Variants in CCDC57 observed in about 807,000 individuals in gnomAD.
CCDC57 encodes coiled-coil domain-containing protein 57.
Under a neutral mutation model 118.9 loss-of-function variants are expected in CCDC57, and 118 were observed. The ratio of observed to expected loss-of-function variants is 0.99; its 90% CI spans 0.86 to 1.16. The LOEUF is 1.16. CCDC57 is among the 50% of genes most tolerant of loss of function. CCDC57 has a pLI of 0.00. For missense variants in CCDC57, 1,300 were observed against 1,320.7 expected (o/e 0.98, Z 0.24); for synonymous variants, 527 against 532.9 (o/e 0.99, Z 0.15).
exon 20 of CCDC57, chr17:82,101,594 C>T (rs1021757101): frequency 1.8e-5 from 21 of 1,174,148 alleles, no homozygotes; most frequent in Middle Eastern, 2.2e-4. Context: ...ACGCTGTGCC[C>T]ACACCCCCCC....
chr17:82,155,056 C>T (rs1444512286), intron 15 of CCDC57: 1 of 152,278 alleles, frequency 6.6e-6, no homozygotes, highest in African/African-American at 2.4e-5. Flanking sequence ...ACCCCGAGCG[C>T]GAGTCTGTGC....
At chr17:82,158,425 C>T (rs1289062922) in intron 14 of CCDC57, among the ~76,000 whole-genome samples, 1 of 152,132 alleles carries the variant, frequency 6.6e-6, no homozygotes, top group Non-Finnish European at 1.5e-5. Flanking sequence ...CGGTGGCTCA[C>T]GCCTATAATC....
At chr17:82,150,131 C>G (rs190490968) in intron 16 of CCDC57, among the ~76,000 whole-genome samples, 10,271 of 140,584 alleles carry the variant, frequency 0.073, 186 homozygotes, top group Non-Finnish European at 0.12. Flanking sequence ...ACACCCAGAA[C>G]CAGGCGCACA....
At chr17:82,182,214 T>C (rs780024002) in intron 9 of CCDC57, among the ~76,000 whole-genome samples, 14 of 151,558 alleles carry the variant, frequency 9.2e-5, no homozygotes, top group Admixed American at 5.3e-4. Flanking sequence ...ACACAAGTAA[T>C]AGGTAAATCT....
At chr17:82,202,079 C>A (rs2049062637) in intron 2 of CCDC57, 127 bp from the exon 2 acceptor site, 1 of 984,652 alleles carries the variant, frequency 1.0e-6, no homozygotes, top group African/African-American at 1.6e-5. Context: ...ACCTGTAATC[C>A]CAGCCCTTTG....
intron 2 of CCDC57, among the ~76,000 whole-genome samples, chr17:82,207,347 A>T (rs914574810): frequency 2.0e-5 from 3 of 152,082 alleles, no homozygotes; most frequent in Non-Finnish European, 2.9e-5. Flanking sequence ...ATAAAAAAAA[A>T]AAAACAAAAA....
Position 82,172,843 on chromosome 17 carries a change from A to T in CCDC57, c.1524T>A (p.His508Gln). Residue 508 changes from histidine (H) to glutamine (Q), a missense_variant, in exon 12 of 20, where the codon CAT (histidine) becomes CAA (glutamine). His to Gln is a conservative substitution (Grantham distance 24). Transcript: ENST00000665763. The surrounding 1 kb of genome is among the most constrained non-coding windows in gnomAD (Gnocchi z 5.2). ...GAAAGTCTTTACTTATTTCTTCTTC[A>T]TGCTGCCTGAGAAGCATCTGTCAAA... 6.2e-7 allele frequency: 1 copy of T among 1,611,970 alleles called. No homozygotes were observed. Among genetic ancestry groups the T allele is most frequent in the Non-Finnish European group, 8.5e-7 (1 of 1,179,142 alleles).
At chr17:82,153,026 G>A (rs1377546135) in intron 15 of CCDC57, among the ~76,000 whole-genome samples, 1 of 152,240 alleles carries the variant, frequency 6.6e-6, no homozygotes, top group African/African-American at 2.4e-5. Context: ...CTCGCCACAG[G>A]CCTGAGCCCG....
intron 2 of CCDC57, among the ~76,000 whole-genome samples, chr17:82,206,855 T>A (rs1387990700): frequency 1.3e-5 from 2 of 152,206 alleles, no homozygotes; most frequent in Non-Finnish European, 2.9e-5. Flanking sequence ...AGATCTGACC[T>A]AACCAATTCC....
intron 2 of CCDC57, among the ~76,000 whole-genome samples, chr17:82,206,434 G>C (rs1457169260): frequency 1.3e-5 from 2 of 152,122 alleles, no homozygotes; most frequent in African/African-American, 4.8e-5. Flanking sequence ...TTCCATTGTA[G>C]GTCATAAGAT....
At chr17:82,151,963 T>C in intron 15 of CCDC57, 190 bp from the exon 15 acceptor site, 1 of 590,606 alleles carries the variant, frequency 1.7e-6, no homozygotes, top group Middle Eastern at 4.5e-4. Flanking sequence ...GTTCCTTCTC[T>C]TCCACAAATA....
chr17:82,126,837 G>GGA, intron 19 of CCDC57: 1 of 985,422 alleles, frequency 1.0e-6, no homozygotes, highest in East Asian at 1.1e-4. Context: ...TGCGCATGAA[G>GGA]GAGAGAATGA....
exon 3 of CCDC57, chr17:82,201,590 G>C: frequency 6.2e-7 from 1 of 1,612,770 alleles, no homozygotes; most frequent in Non-Finnish European, 8.5e-7. Context: ...AGCTGCTGCT[G>C]CTGCTGCAGC....
rs1324514049 is a variant in CCDC57 at position 82,212,641 on chromosome 17, T to G, written c.-211+144A>C. 1 of 151,676 alleles carries G rather than the reference T, an allele frequency of 6.6e-6. No individual in the cohort carries two copies. Among genetic ancestry groups the G allele is most frequent in the Non-Finnish European group, 1.5e-5 (1 of 67,926 alleles). The allele number at this position is 151,676 out of a possible 1,614,324, so 9.4% of individuals were successfully genotyped here. On this transcript the variant is annotated intron_variant, in intron 1 of 19. Transcript: ENST00000665763. The surrounding 1 kb of genome is among the most constrained non-coding windows in gnomAD (Gnocchi z 4.1). ...CCCCGGTCCGGGCCTGGCCGAGCTC[T>G]GAGGGTCGACCTCGCGCTCCAGGTC...
intron 2 of CCDC57, among the ~76,000 whole-genome samples, chr17:82,202,629 G>C (rs1209194170): frequency 1.3e-5 from 2 of 148,210 alleles, no homozygotes; most frequent in African/African-American, 2.5e-5. Flanking sequence ...GCATGCCTGT[G>C]ATCTCAGCTA....
Position 82,207,402 on chromosome 17 carries a change from C to T in CCDC57, c.-9+445G>A, listed in dbSNP as rs180732630. 1.2e-4 allele frequency among the ~76,000 whole-genome samples: 19 copies of T among 152,028 alleles called. No individual in the cohort carries two copies. In the East Asian group the frequency reaches 3.7e-3, roughly 29 times the overall value. On this transcript the variant is annotated intron_variant, in intron 2 of 19. Coordinates refer to ENST00000665763, the Ensembl canonical transcript of CCDC57. ...TCATGCAGCTACAGGCTACAAGATT[C>T]TGACCTTCCCCAAATTGTTCCTGGG... is the stretch of plus-strand genomic sequence containing the variant.
intron 19 of CCDC57, chr17:82,105,237 C>T (rs2034765005): frequency 6.6e-6 from 1 of 152,264 alleles, no homozygotes; most frequent in African/African-American, 2.4e-5. Context: ...GCACAGAGGC[C>T]CTTCCGTCTC....
chr17:82,153,554 A>G (rs1486996819), intron 15 of CCDC57: 1 of 152,226 alleles, frequency 6.6e-6, no homozygotes, highest in Non-Finnish European at 1.5e-5. Flanking sequence ...GTGATTCTGC[A>G]CACAGTGACC....
At chr17:82,152,112 C>T in intron 15 of CCDC57, 1 of 312,584 alleles carries the variant, frequency 3.2e-6, no homozygotes, top group South Asian at 3.3e-5. Context: ...CAAGGAGAAT[C>T]TGAGGACACC....
Sources: allele counts gnomAD v4.1 joint callset (sites outside exome capture counted in the v4.1 genomes callset), GRCh38; gene constraint gnomAD v4.1.1; non-coding constraint Gnocchi (gnomAD v3.1); transcripts MANE v1.5; gene names NCBI Gene and HGNC (gene_info 2026-07-23, HGNC 2026-07-21).